The following EIF3B variants were observed in gnomAD, a reference collection of about 807,000 sequenced individuals.
The protein encoded by EIF3B is eukaryotic translation initiation factor 3 subunit B.
In EIF3B, 10 loss-of-function variants were observed where a neutral mutation model predicts 104.6. The ratio of observed to expected loss-of-function variants is 0.10; its 90% CI spans 0.06 to 0.16. The LOEUF (loss-of-function observed/expected upper bound fraction) is 0.16, where lower values mean the gene tolerates loss of function less well. Among genes scored for constraint, EIF3B ranks in the 10% least tolerant of loss-of-function variants. EIF3B has a pLI of 1.00. For synonymous variants in EIF3B, 542 were observed against 417.2 expected, an observed-to-expected ratio of 1.30 and a Z score of -3.65; for missense variants, 1,014 against 1,087.9, an observed-to-expected ratio of 0.93 and a Z score of 0.96.
At chr7:2,379,709 A>G (rs528629123) in intron 18 of EIF3B, 198 bp downstream of exon 18, 2 of 559,622 alleles carry the variant, frequency 3.6e-6, no homozygotes, top group African/African-American at 1.9e-5. Context: ...CTCTGACCAC[A>G]TTGCAGATGG....
chr7:2,362,887 C>A, intron 3 of EIF3B, 123 bp downstream of exon 3: 1 of 1,502,618 alleles, frequency 6.7e-7, no homozygotes, highest in Non-Finnish European at 9.1e-7. Flanking sequence ...TCTGGTCAGG[C>A]TGCCGCAGAG....
Position 2,360,816 on chromosome 7 carries a change from A to G in EIF3B, c.606A>G (p.Lys202=). ...AGGTGGGACCCGACCGACTTGAGAA[A>G]CTCAAAAATGTCATCCACAAGATCT... is the stretch of plus-strand genomic sequence containing the variant. ...VPQVGPDRLE[K]LKNVIHKIFS... The change falls in exon 2 of 19, where the codon AAA becomes AAG. Residue 202 remains lysine (K), a synonymous_variant. Coordinates refer to ENST00000360876, the MANE Select transcript of EIF3B (RefSeq NM_001037283.2). 1 of 1,613,846 alleles carries G rather than the reference A, an allele frequency of 6.2e-7. No homozygotes were observed.
chr7:2,372,579 T>C, intron 11 of EIF3B, 94 bp from the exon 12 acceptor site: 2 of 1,469,318 alleles, frequency 1.4e-6, no homozygotes, highest in Non-Finnish European at 1.8e-6. Flanking sequence ...TCGGGGGATA[T>C]TTCTCTGTGG....
At chr7:2,370,126 ATTT>A (rs1422095879) in intron 10 of EIF3B, among the ~76,000 whole-genome samples, 1 of 151,830 alleles carries the variant, frequency 6.6e-6, no homozygotes. Flanking sequence ...CTCAAGATTT[ATTT>A]TTTTATTTTT....
intron 1 of EIF3B, among the ~76,000 whole-genome samples, chr7:2,357,908 T>G (rs1321859265): frequency 6.6e-5 from 10 of 152,198 alleles, no homozygotes; most frequent in Admixed American, 6.5e-4. Context: ...ATCAGGCTTG[T>G]CAGGCTATTT....
intron 8 of EIF3B, 124 bp downstream of exon 8, chr7:2,366,715 T>C (rs1312051775): frequency 3.5e-6 from 4 of 1,134,416 alleles, no homozygotes; most frequent in Non-Finnish European, 3.8e-6. Flanking sequence ...GAAAGGCCTG[T>C]CTCCTGTGCC....
intron 10 of EIF3B, among the ~76,000 whole-genome samples, chr7:2,370,066 C>T (rs1454185126): frequency 6.6e-6 from 1 of 152,100 alleles, no homozygotes; most frequent in Non-Finnish European, 1.5e-5. Context: ...CGTGAGCCAC[C>T]GTGCCTGGCT....
intron 5 of EIF3B, 114 bp downstream of exon 5, chr7:2,363,874 T>A: frequency 7.9e-7 from 1 of 1,272,228 alleles, no homozygotes; most frequent in Non-Finnish European, 1.1e-6. Flanking sequence ...ATATTTTCTT[T>A]GAGATTACTT....
rs373560369 is a variant in EIF3B at position 2,375,369 on chromosome 7, G to A, written c.1890-20G>A. On this transcript the variant is annotated intron_variant, in intron 13 of 18. Transcript: ENST00000360876. ...GGTATGCGTCTCCATGAAGCCTGAC[G>A]GTCCTGTCTGTCTTTGCAGTATGAA... The A allele has an allele frequency of 4.0e-5, 64 of 1,613,322 alleles. No homozygotes were observed. Among genetic ancestry groups the A allele is most frequent in the Non-Finnish European group, 5.1e-5 (60 of 1,179,426 alleles).
chr7:2,364,573 C>T (rs372498309), intron 6 of EIF3B, 44 bp downstream of exon 6: 192 of 1,554,892 alleles, frequency 1.2e-4, no homozygotes, highest in Non-Finnish European at 1.3e-4. Flanking sequence ...CATTTCACCC[C>T]ATGCCAGCCT....
intron 1 of EIF3B, among the ~76,000 whole-genome samples, chr7:2,355,925 G>T (rs1431017753): frequency 6.6e-6 from 1 of 152,208 alleles, no homozygotes; most frequent in Non-Finnish European, 1.5e-5. Flanking sequence ...TCCTTAGTGG[G>T]ACAGGCACCC....
At chr7:2,377,438 A>G (rs1266438567) in intron 15 of EIF3B, among the ~76,000 whole-genome samples, 1 of 152,236 alleles carries the variant, frequency 6.6e-6, no homozygotes, top group Non-Finnish European at 1.5e-5. Context: ...GTTAAATCCC[A>G]GGGAGAAAGT....
intron 2 of EIF3B, 28 bp downstream of exon 2, chr7:2,360,930 C>T (rs537953065): frequency 6.4e-7 from 1 of 1,562,412 alleles, no homozygotes; most frequent in Non-Finnish European, 8.8e-7. Context: ...GGAGAAGTAT[C>T]ATCTGTGTCT....
At chr7:2,356,046 C>T (rs1779411386) in intron 1 of EIF3B, among the ~76,000 whole-genome samples, 1 of 152,144 alleles carries the variant, frequency 6.6e-6, no homozygotes, top group Admixed American at 6.6e-5. Context: ...TTCATCTCAA[C>T]CTTGATTGGA....
rs1362038450 is a variant in EIF3B, at chr7:2,375,509, G to A, written c.2010G>A (p.Val670=). 3 of 1,614,126 alleles carry A rather than the reference G, an allele frequency of 1.9e-6. No homozygotes were observed. The African/African-American group carries it at 4.0e-5, about 22-fold the overall frequency. Reference sequence around the variant, plus strand: ...CTGGGCGCTACGTCGTCACCTCTGTGTCCTGGTGGAGCCATAAGGTGCAGG... The same window carrying A: ...CTGGGCGCTACGTCGTCACCTCTGTATCCTGGTGGAGCCATAAGGTGCAGG... ...DPTGRYVVTS[V]SWWSHKVDNA... is the part of the protein sequence containing the mutation. The change falls in exon 14 of 19, where the codon GTG becomes GTA. Residue 670 remains valine, a synonymous_variant. Coordinates refer to ENST00000360876, the MANE Select transcript of EIF3B (RefSeq NM_001037283.2).
chr7:2,357,994 G>A (rs940321581), intron 1 of EIF3B, among the ~76,000 whole-genome samples: 10 of 134,168 alleles, frequency 7.5e-5, no homozygotes, highest in Non-Finnish European at 1.4e-4. Context: ...GCACTGCAGT[G>A]ACTGGCAACT....
intron 12 of EIF3B, 100 bp downstream of exon 12, chr7:2,372,895 T>C (rs1236132710): frequency 7.2e-7 from 1 of 1,383,156 alleles, no homozygotes; most frequent in African/African-American, 1.4e-5. Flanking sequence ...GGACCACTGC[T>C]GGGCAGGCCG....
chr7:2,379,032 C>A, intron 16 of EIF3B, 102 bp from the exon 17 acceptor site: 1 of 972,620 alleles, frequency 1.0e-6, no homozygotes, highest in Admixed American at 2.2e-5. Context: ...TTGAGTGCCT[C>A]TGTATGCTGT....
chr7:2,361,711 G>A (rs1473381579), intron 2 of EIF3B, among the ~76,000 whole-genome samples: 3 of 152,078 alleles, frequency 2.0e-5, no homozygotes, highest in Non-Finnish European at 4.4e-5. Flanking sequence ...GAGCCACCGC[G>A]CCCGGCCTCT....
Sources: allele counts gnomAD v4.1 joint callset (sites outside exome capture counted in the v4.1 genomes callset), GRCh38; gene constraint gnomAD v4.1.1; transcripts MANE v1.5; gene names NCBI Gene and HGNC (gene_info 2026-07-23, HGNC 2026-07-21).